The following DPP10 variants were observed in gnomAD, a reference collection of about 807,000 sequenced individuals.
DPP10 encodes inactive dipeptidyl peptidase 10.
DPP10 carries 33 observed loss-of-function variants against 120.9 expected under a neutral mutation model. The observed-to-expected ratio is 0.27, with a 90% CI of 0.21 to 0.37. The LOEUF (loss-of-function observed/expected upper bound fraction) is 0.37. DPP10 is among the 10% of genes least tolerant of loss of function. The probability of loss-of-function intolerance (pLI) is 1.00; values close to 1 mark genes in which losing one functional copy is unlikely to be tolerated. For missense variants in DPP10, 816 were observed against 942.8 expected, an observed-to-expected ratio of 0.87 and a Z score of 1.76; for synonymous variants, 337 against 326.1, an observed-to-expected ratio of 1.03 and a Z score of -0.36.
At chr2:114,609,046 T>C (rs1693064555) in intron 1 of DPP10, among the ~76,000 whole-genome samples, 1 of 151,662 alleles carries the variant, frequency 6.6e-6, no homozygotes, top group African/African-American at 2.4e-5. Context: ...TAAAATAAAA[T>C]TTGAATAAAT....
At chr2:115,460,441 T>G (rs2073921326) in intron 3 of DPP10, among the ~76,000 whole-genome samples, 1 of 152,194 alleles carries the variant, frequency 6.6e-6, no homozygotes, top group Non-Finnish European at 1.5e-5. Flanking sequence ...TTTTGTGTTT[T>G]AAAACACTTA....
chr2:114,830,142 T>A (rs986547458), intron 1 of DPP10, among the ~76,000 whole-genome samples: 1 of 146,900 alleles, frequency 6.8e-6, no homozygotes, highest in Non-Finnish European at 1.5e-5. Context: ...CATCAGAATT[T>A]TCTTTATAAA....
chr2:114,942,136 G>A (rs909374754), intron 1 of DPP10, among the ~76,000 whole-genome samples: 3 of 150,834 alleles, frequency 2.0e-5, no homozygotes, highest in Admixed American at 6.6e-5. Flanking sequence ...AGCCAGGCGC[G>A]GTGGTGGGTG....
chr2:115,550,131 A>T (rs1333343239), intron 5 of DPP10, among the ~76,000 whole-genome samples: 1 of 152,186 alleles, frequency 6.6e-6, no homozygotes, highest in Non-Finnish European at 1.5e-5. Context: ...ATGAAAGAAT[A>T]AATGCTAGTC....
chr2:114,918,614 C>T (rs903748922), intron 1 of DPP10, among the ~76,000 whole-genome samples: 3 of 152,122 alleles, frequency 2.0e-5, no homozygotes, highest in African/African-American at 7.2e-5. Flanking sequence ...ACTACAGAGC[C>T]ATCGAATGAA....
At chr2:115,237,292 G>A (rs999759658) in intron 1 of DPP10, among the ~76,000 whole-genome samples, 10 of 152,052 alleles carry the variant, frequency 6.6e-5, no homozygotes, top group Admixed American at 5.2e-4. Flanking sequence ...GATCTTTGAT[G>A]TTACTCTCAT....
chr2:114,979,336 G>A (rs761933993), intron 1 of DPP10, among the ~76,000 whole-genome samples: 4 of 151,784 alleles, frequency 2.6e-5, no homozygotes, highest in Non-Finnish European at 5.9e-5. Context: ...AAAATTATAT[G>A]ACAGATCCCA....
At position 115,739,880 on chromosome 2, in the gene DPP10, A is replaced by G. The variant is rs1166653385; in HGVS notation, c.839A>G (p.Tyr280Cys). The G allele has an allele frequency of 1.2e-6, 2 of 1,613,178 alleles. No individual in the cohort carries two copies. The highest frequency in any genetic ancestry group is 1.7e-5 in the Admixed American group (1 of 59,984). ...TGALYPKGKQ[Y>C]PYPKAGQVNP... ...GCGTTGTATCCCAAAGGAAAGCAGT[A>G]TCCGTATCCTAAGGTAAGTAACATG... The change falls in exon 9 of 26, where the codon TAT becomes TGT. Residue 280 changes from tyrosine (Y) to cysteine (C), a missense_variant. By Grantham distance (194) the Tyr-to-Cys change is radical. Transcript: ENST00000410059.
chr2:115,379,936 G>C lies in DPP10; in HGVS notation c.271+36024G>C, dbSNP rs1473126551. ...TGAGAGATAGTTTGTTATAATTTCT[G>C]TTCTTTTACATTTGCTGTGGAGAGC... On this transcript the variant is annotated intron_variant, in intron 3 of 25. Transcript: ENST00000410059. Among the ~76,000 whole-genome samples, 3 of 152,096 alleles carry C rather than the reference G, an allele frequency of 2.0e-5. No homozygotes were observed. The South Asian group carries it at 6.2e-4, about 32-fold the overall frequency.
intron 1 of DPP10, among the ~76,000 whole-genome samples, chr2:114,981,834 T>C (rs1295169599): frequency 1.3e-5 from 2 of 151,838 alleles, no homozygotes; most frequent in African/African-American, 4.8e-5. Context: ...ATCAAACTCC[T>C]GGCCTCAAAT....
chr2:114,753,781 C>A (rs993554069), intron 1 of DPP10, among the ~76,000 whole-genome samples: 1 of 151,388 alleles, frequency 6.6e-6, no homozygotes, highest in Non-Finnish European at 1.5e-5. Context: ...TGGTGGCGGG[C>A]GACTGTACTC....
chr2:114,778,890 G>A (rs530916004), intron 1 of DPP10, among the ~76,000 whole-genome samples: 24 of 152,108 alleles, frequency 1.6e-4, no homozygotes, highest in African/African-American at 5.5e-4. Context: ...AAGACAAAGC[G>A]CAACTTAATG....
rs149500096 is a variant in DPP10, at chr2:115,467,332, C to T, written c.272-32178C>T. Among the ~76,000 whole-genome samples the T allele has an allele frequency of 7.8e-4, 118 of 152,040 alleles. 1 individual carries two copies. The highest frequency in any genetic ancestry group is 2.6e-3 in the African/African-American group (106 of 41,472). ...ATCCCAGCACTTTGGGAGGCTGAGG[C>T]GGACAGATCATGAGGTCAGGAGTTC... On this transcript the variant is annotated intron_variant, in intron 3 of 25. Coordinates refer to ENST00000410059, the MANE Select transcript of DPP10 (RefSeq NM_020868.6).
At chr2:115,743,769 A>G (rs953233828) in intron 9 of DPP10, among the ~76,000 whole-genome samples, 2 of 150,742 alleles carry the variant, frequency 1.3e-5, no homozygotes, top group East Asian at 3.9e-4. Context: ...ATAAAATGAT[A>G]CTTGAGAATC....
intron 1 of DPP10, among the ~76,000 whole-genome samples, chr2:115,287,471 A>C (rs563543635): frequency 6.6e-6 from 1 of 152,010 alleles, no homozygotes; most frequent in South Asian, 2.1e-4. Flanking sequence ...TGAGTCTCTA[A>C]TGTTCATTAT....
intron 5 of DPP10, among the ~76,000 whole-genome samples, chr2:115,554,774 C>A (rs17044686): frequency 0.017 from 2,547 of 152,186 alleles, 39 homozygotes; most frequent in Non-Finnish European, 0.026. Context: ...AATATCTTTC[C>A]ATGACAAAAC....
intron 5 of DPP10, among the ~76,000 whole-genome samples, chr2:115,640,818 GA>G (rs1462190292): frequency 6.6e-5 from 10 of 152,154 alleles, no homozygotes. Flanking sequence ...TCTTCTATGT[GA>G]AAGATGTTTC....
At chr2:114,857,755 T>C (rs1689484716) in intron 1 of DPP10, among the ~76,000 whole-genome samples, 1 of 152,146 alleles carries the variant, frequency 6.6e-6, no homozygotes, top group Non-Finnish European at 1.5e-5. Flanking sequence ...TTATTAAACG[T>C]AGGGTGCCTG....
At chr2:115,764,635 A>G (rs1489598779) in intron 12 of DPP10, among the ~76,000 whole-genome samples, 2 of 152,134 alleles carry the variant, frequency 1.3e-5, no homozygotes, top group African/African-American at 4.8e-5. Flanking sequence ...TTTTGAGATT[A>G]TGCTATCTAA....
Sources: allele counts gnomAD v4.1 joint callset (sites outside exome capture counted in the v4.1 genomes callset), GRCh38; gene constraint gnomAD v4.1.1; transcripts MANE v1.5; gene names NCBI Gene and HGNC (gene_info 2026-07-23, HGNC 2026-07-21).